TXNL4A: variants seen among roughly 807,000 people sequenced by gnomAD.
TXNL4A encodes the protein thioredoxin like 4A.
In TXNL4A, 17 loss-of-function variants were observed where a neutral mutation model predicts 14.6. That is an observed-to-expected ratio of 1.16 (90% CI 0.80 to 1.74). The LOEUF (loss-of-function observed/expected upper bound fraction) is 1.74. Ranked by LOEUF, TXNL4A falls within the 40% of genes most tolerant of loss-of-function variation. TXNL4A has a pLI of 0.00. For missense variants in TXNL4A, 74 were observed against 195.2 expected, an observed-to-expected ratio of 0.38 and a Z score of 3.70; for synonymous variants, 83 against 70.6, an observed-to-expected ratio of 1.18 and a Z score of -0.88.
chr18:79,982,822 G>A lies in TXNL4A; in HGVS notation c.154-5121C>T, dbSNP rs2051484648. 1.3e-5 allele frequency among the ~76,000 whole-genome samples: 2 copies of A among 152,082 alleles called. No individual in the cohort carries two copies. Among genetic ancestry groups the A allele is most frequent in the African/African-American group, 4.8e-5 (2 of 41,422 alleles). ...AGCCTCCCACCACCCCATTTTCTTGGTGAAATGGCATCTGTGGGGTGACTG... is the reference window on the plus strand; with the variant it reads ...AGCCTCCCACCACCCCATTTTCTTGATGAAATGGCATCTGTGGGGTGACTG... On this transcript the variant is annotated intron_variant, in intron 1 of 2. Transcript: ENST00000269601. The surrounding 1 kb of genome is among the most constrained non-coding windows in gnomAD (Gnocchi z 4.0).
intron 1 of TXNL4A, among the ~76,000 whole-genome samples, chr18:79,980,115 G>T (rs2051441024): frequency 6.6e-6 from 1 of 152,188 alleles, no homozygotes; most frequent in South Asian, 2.1e-4. Flanking sequence ...GGGACAGGAG[G>T]CTCTGGGGGC....
chr18:80,031,579 A>G (rs1291880576), intron 1 of TXNL4A, among the ~76,000 whole-genome samples: 1 of 152,250 alleles, frequency 6.6e-6, no homozygotes, highest in Non-Finnish European at 1.5e-5. Flanking sequence ...GCTATTGAAG[A>G]TGCTATATGG....
Position 79,998,766 on chromosome 18 carries a change from C to G in TXNL4A, c.-60-21065G>C, listed in dbSNP as rs1230006649. ...GTCTGTCAACCGGTCAGCCTCTTATCAAATTTTGCTTGTACCATCTTCCAA... is the reference window on the plus strand; with the variant it reads ...GTCTGTCAACCGGTCAGCCTCTTATGAAATTTTGCTTGTACCATCTTCCAA... On this transcript the variant is annotated intron_variant, in intron 1 of 2. Transcript: ENST00000585474. Among the ~76,000 whole-genome samples the G allele has an allele frequency of 2.7e-5, 4 of 150,332 alleles. No individual in the cohort carries two copies. The East Asian group carries it at 5.8e-4, about 22-fold the overall frequency.
chr18:79,977,081 C>T (rs2051390751), intron 2 of TXNL4A, among the ~76,000 whole-genome samples: 1 of 152,088 alleles, frequency 6.6e-6, no homozygotes, highest in Non-Finnish European at 1.5e-5. Flanking sequence ...CTGCCTCAGC[C>T]TCCCAGTAGC....
Position 79,987,937 on chromosome 18 carries a change from C to T in TXNL4A, c.153+303G>A, listed in dbSNP as rs139531216. Among the ~76,000 whole-genome samples the T allele has an allele frequency of 1.2e-3, 179 of 152,372 alleles. 1 individual carries two copies. The highest frequency in any genetic ancestry group is 4.1e-3 in the African/African-American group (170 of 41,592). ...ATAAAACCTGCAAGTGCATTTTGTTCACTGAACTATAAGTTTGGGAAAAAC... is the reference window on the plus strand; with the variant it reads ...ATAAAACCTGCAAGTGCATTTTGTTTACTGAACTATAAGTTTGGGAAAAAC... On this transcript the variant is annotated intron_variant, in intron 1 of 2. Transcript: ENST00000269601.
intron 1 of TXNL4A, among the ~76,000 whole-genome samples, chr18:79,995,681 A>T (rs1250989062): frequency 6.6e-6 from 1 of 152,200 alleles, no homozygotes; most frequent in African/African-American, 2.4e-5. Flanking sequence ...AAAAAGGAAA[A>T]ACAGAAGATT....
chr18:79,976,583 C>T (rs2051382784), intron 2 of TXNL4A: 1 of 294,962 alleles, frequency 3.4e-6, no homozygotes, highest in Non-Finnish European at 6.7e-6. Flanking sequence ...TCCAGCGGGC[C>T]CTGCCTGGAT....
chr18:80,028,711 G>C (rs976062066), intron 1 of TXNL4A, among the ~76,000 whole-genome samples: 2 of 152,182 alleles, frequency 1.3e-5, no homozygotes, highest in Admixed American at 6.5e-5. Context: ...CTGACCCGTG[G>C]TTGTCAATTG....
rs2051514600 is a variant in TXNL4A, at chr18:79,984,563, TCAAA to T, written c.153+3673_153+3676del. 2.6e-5 allele frequency among the ~76,000 whole-genome samples: 4 copies of T among 152,294 alleles called. No individual in the cohort carries two copies. The South Asian group carries it at 8.3e-4, about 32-fold the overall frequency. ...TGGACAACACAAGAAGACTCTTGTCTCAAACAAACAAAAAAAATGTACTATCATG... is the reference window on the plus strand; with the variant it reads ...TGGACAACACAAGAAGACTCTTGTCTCAAACAAAAAAAATGTACTATCATG... On this transcript the variant is annotated intron_variant, in intron 1 of 2. Coordinates refer to ENST00000269601, the MANE Select transcript of TXNL4A (RefSeq NM_006701.5).
At chr18:80,025,544 T>C (rs2051879017) in intron 1 of TXNL4A, among the ~76,000 whole-genome samples, 1 of 152,244 alleles carries the variant, frequency 6.6e-6, no homozygotes, top group African/African-American at 2.4e-5. Context: ...CTATGGAGAT[T>C]TCTCTTATGA....
chr18:80,003,460 G>A (rs1461841582), intron 1 of TXNL4A, among the ~76,000 whole-genome samples: 2 of 152,206 alleles, frequency 1.3e-5, no homozygotes, highest in Non-Finnish European at 2.9e-5. Context: ...CTTTGGAATT[G>A]TGAGTTTGGG....
intron 1 of TXNL4A, among the ~76,000 whole-genome samples, chr18:80,006,145 GGA>G (rs1239075645): frequency 1.3e-5 from 2 of 152,038 alleles, no homozygotes; most frequent in East Asian, 3.9e-4. Flanking sequence ...CAGCACTTTG[GGA>G]GGCTAAGGCG....
intron 1 of TXNL4A, among the ~76,000 whole-genome samples, chr18:79,980,750 G>A (rs950402019): frequency 1.3e-5 from 2 of 150,662 alleles, no homozygotes; most frequent in African/African-American, 2.4e-5. Context: ...AAAACCCCAA[G>A]GTGAGCACAC....
At chr18:80,033,356 C>T (rs1338013232) in intron 1 of TXNL4A, among the ~76,000 whole-genome samples, 5 of 152,222 alleles carry the variant, frequency 3.3e-5, no homozygotes, top group Non-Finnish European at 7.3e-5. Context: ...GGAGTCACAG[C>T]CCACGCATCC....
intron 1 of TXNL4A, among the ~76,000 whole-genome samples, chr18:80,002,726 A>G (rs1253414534): frequency 6.6e-6 from 1 of 152,126 alleles, no homozygotes; most frequent in Non-Finnish European, 1.5e-5. Context: ...TCCACCCCCT[A>G]ATTAGAAGAG....
At chr18:80,004,838 ATC>A (rs999006917) in intron 1 of TXNL4A, among the ~76,000 whole-genome samples, 2 of 152,232 alleles carry the variant, frequency 1.3e-5, no homozygotes, top group Non-Finnish European at 2.9e-5. Context: ...ATAGGAATGC[ATC>A]TGTGTTTAAA....
intron 1 of TXNL4A, among the ~76,000 whole-genome samples, chr18:79,983,567 C>T (rs755393357): frequency 6.6e-5 from 10 of 152,080 alleles, no homozygotes; most frequent in South Asian, 2.1e-4. Context: ...CCTAAAATTC[C>T]GGAAAAAGTG....
At position 79,983,082 on chromosome 18, in the gene TXNL4A, CCT is replaced by C. The variant is rs571513152; in HGVS notation, c.153+5156_153+5157del. ...GTGGCGTGATCTCGGCTCACTGCAA[CCT>C]CTGTTTCCCAGCCTCAAGAGATCCT... On this transcript the variant is annotated intron_variant, in intron 1 of 2. Coordinates refer to ENST00000269601, the MANE Select transcript of TXNL4A (RefSeq NM_006701.5). 1.9e-3 allele frequency among the ~76,000 whole-genome samples: 284 copies of C among 152,188 alleles called. 1 individual carries two copies. Among genetic ancestry groups the C allele is most frequent in the African/African-American group, 6.3e-3 (260 of 41,520 alleles).
intron 1 of TXNL4A, among the ~76,000 whole-genome samples, chr18:79,997,375 C>CATATTTTGTTT (rs965178802): frequency 6.7e-6 from 1 of 148,378 alleles, no homozygotes; most frequent in Non-Finnish European, 1.5e-5. Flanking sequence ...CCCATATTCC[C>CATATTTTGTTT]TGTAAAACAA....
Sources: gnomAD v4.1 joint callset for allele counts (sites outside exome capture counted in the v4.1 genomes callset) on GRCh38, gnomAD v4.1.1 for gene constraint, Gnocchi (gnomAD v3.1) non-coding constraint, MANE v1.5 for transcripts, NCBI Gene and HGNC (gene_info 2026-07-23, HGNC 2026-07-21) for gene names.